Variants in PRLR observed in about 807,000 individuals in gnomAD.
PRLR encodes hPRL receptor.
A neutral mutation model predicts 40.2 loss-of-function variants in PRLR; 13 were observed. The observed-to-expected ratio is 0.32, with a 90% CI of 0.21 to 0.51. The LOEUF (loss-of-function observed/expected upper bound fraction) is 0.51, where lower values mean the gene tolerates loss of function less well. PRLR is among the 20% of genes least tolerant of loss of function. PRLR has a pLI of 0.97. For synonymous variants in PRLR, 269 were observed against 278.7 expected (o/e 0.97, Z 0.35); for missense variants, 656 against 747.3 (o/e 0.88, Z 1.42).
chr5:35,216,341 T>A (rs1776288153), intron 1 of PRLR, among the ~76,000 whole-genome samples: 1 of 151,780 alleles, frequency 6.6e-6, no homozygotes, highest in Non-Finnish European at 1.5e-5. Flanking sequence ...CTCAGGAAGG[T>A]TCAGTTTGGA....
intron 1 of PRLR, among the ~76,000 whole-genome samples, chr5:35,164,341 C>A (rs186201452): frequency 8.0e-4 from 122 of 152,156 alleles, no homozygotes; most frequent in African/African-American, 2.7e-3. Flanking sequence ...CAATAATACC[C>A]AACAAAGCCA....
intron 1 of PRLR, among the ~76,000 whole-genome samples, chr5:35,147,494 A>G (rs1047095479): frequency 5.3e-5 from 8 of 152,174 alleles, no homozygotes; most frequent in Admixed American, 4.6e-4. Context: ...TAATCAGACA[A>G]TTTATGTCTT....
intron 1 of PRLR, among the ~76,000 whole-genome samples, chr5:35,175,775 A>G (rs552133993): frequency 6.6e-6 from 1 of 152,300 alleles, no homozygotes; most frequent in East Asian, 1.9e-4. Flanking sequence ...CACTTCCTCC[A>G]TATAATCAAG....
rs554829581 is a variant in PRLR at position 35,210,087 on chromosome 5, T to C, written c.-106+20181A>G. Among the ~76,000 whole-genome samples, 9 of 152,312 alleles carry C rather than the reference T, an allele frequency of 5.9e-5. No homozygotes were observed. The East Asian group carries it at 1.7e-3, about 29-fold the overall frequency. ...CACTGGGTTTCTTCATTTCCCTACATTGGCATGCTCCCTCCCACCTCAGTG... is the reference window on the plus strand; with the variant it reads ...CACTGGGTTTCTTCATTTCCCTACACTGGCATGCTCCCTCCCACCTCAGTG... On this transcript the variant is annotated intron_variant, in intron 1 of 9. Coordinates refer to ENST00000618457, the MANE Select transcript of PRLR (RefSeq NM_000949.7).
chr5:35,140,989 T>C (rs947718788), intron 1 of PRLR, among the ~76,000 whole-genome samples: 1 of 152,182 alleles, frequency 6.6e-6, no homozygotes, highest in African/African-American at 2.4e-5. Context: ...CAATAAGATT[T>C]AAATAAATTC....
At chr5:35,175,500 C>CT (rs1459681673) in intron 1 of PRLR, among the ~76,000 whole-genome samples, 4 of 152,280 alleles carry the variant, frequency 2.6e-5, no homozygotes, top group Admixed American at 6.5e-5. Context: ...CAGATGTGTG[C>CT]TAGGTCCAGT....
At position 35,066,049 on chromosome 5, in the gene PRLR, G is replaced by A; in HGVS notation, c.909C>T (p.Pro303=). The A allele has an allele frequency of 1.2e-6, 2 of 1,614,112 alleles. No individual in the cohort carries two copies. Among genetic ancestry groups the A allele is most frequent in the Non-Finnish European group, 8.5e-7 (1 of 1,179,982 alleles). ...CCAGCAAGTCCTCATAGTCAGAAGT[G>A]GGAGGAAAGTCTTGGCATCCCAAGG... ...LSALGCQDFP[P]TSDYEDLLVE... Residue 303 remains proline (P), a synonymous_variant, in exon 10 of 10, where the codon CCC becomes CCT. Transcript: ENST00000618457.
chr5:35,105,443 G>A (rs1189317977), intron 2 of PRLR, among the ~76,000 whole-genome samples: 2 of 152,162 alleles, frequency 1.3e-5, no homozygotes, highest in African/African-American at 2.4e-5. Flanking sequence ...CTAAAGGAGG[G>A]TGTTCAAACC....
chr5:35,113,889 A>C (rs1178239133), intron 2 of PRLR, among the ~76,000 whole-genome samples: 1 of 152,168 alleles, frequency 6.6e-6, no homozygotes, highest in Admixed American at 6.5e-5. Flanking sequence ...TCTGGCAGAC[A>C]CTGCTGGTTG....
chr5:35,145,763 C>T (rs959892558), intron 1 of PRLR, among the ~76,000 whole-genome samples: 1 of 149,984 alleles, frequency 6.7e-6, no homozygotes, highest in African/African-American at 2.5e-5. Flanking sequence ...CAACTAAGAG[C>T]TTAATATTTC....
intron 1 of PRLR, among the ~76,000 whole-genome samples, chr5:35,168,505 T>C (rs1774907419): frequency 6.6e-6 from 1 of 151,992 alleles, no homozygotes; most frequent in Admixed American, 6.6e-5. Context: ...AGAACATGCA[T>C]TCTGACCACA....
intron 2 of PRLR, among the ~76,000 whole-genome samples, chr5:35,112,905 TA>T (rs1772748002): frequency 3.3e-5 from 5 of 152,166 alleles, no homozygotes; most frequent in Admixed American, 3.3e-4. Context: ...ACCAGAGTAT[TA>T]ATAGTCAGGG....
At chr5:35,080,023 A>C (rs1184217758) in intron 5 of PRLR, among the ~76,000 whole-genome samples, 1 of 152,246 alleles carries the variant, frequency 6.6e-6, no homozygotes, top group Non-Finnish European at 1.5e-5. Flanking sequence ...CTTACACCTT[A>C]TACAAAAATT....
chr5:35,108,970 T>C (rs1772461889), intron 2 of PRLR, among the ~76,000 whole-genome samples: 1 of 152,142 alleles, frequency 6.6e-6, no homozygotes, highest in South Asian at 2.1e-4. Context: ...CAAACTATAC[T>C]ACAAGGCTAC....
chr5:35,139,916 T>A (rs1338642568), intron 1 of PRLR, among the ~76,000 whole-genome samples: 1 of 122,394 alleles, frequency 8.2e-6, no homozygotes, highest in African/African-American at 3.2e-5. Flanking sequence ...AATATAGATG[T>A]TAAAATATCA....
intron 1 of PRLR, among the ~76,000 whole-genome samples, chr5:35,123,750 A>G (rs35194391): frequency 0.053 from 7,996 of 152,244 alleles, 515 homozygotes; most frequent in East Asian, 0.15. Context: ...TTTACTGTTA[A>G]AGTATTCAGT....
intron 1 of PRLR, among the ~76,000 whole-genome samples, chr5:35,158,104 A>T (rs190985891): frequency 7.2e-5 from 11 of 152,308 alleles, no homozygotes; most frequent in Admixed American, 5.2e-4. Context: ...AAGTCTTTGC[A>T]CTGTCTATAT....
chr5:35,153,633 G>A (rs1035545658), intron 1 of PRLR, among the ~76,000 whole-genome samples: 5 of 150,838 alleles, frequency 3.3e-5, no homozygotes, highest in Admixed American at 6.6e-5. Context: ...GAAATTCTTT[G>A]ATTTGCTCAG....
intron 5 of PRLR, among the ~76,000 whole-genome samples, chr5:35,079,315 T>C (rs1006005613): frequency 6.6e-6 from 1 of 152,170 alleles, no homozygotes; most frequent in African/African-American, 2.4e-5. Flanking sequence ...AACCCCATCA[T>C]CTCAGCCCAA....
Sources: allele counts gnomAD v4.1 joint callset (sites outside exome capture counted in the v4.1 genomes callset), GRCh38; gene constraint gnomAD v4.1.1; transcripts MANE v1.5; gene names NCBI Gene and HGNC (gene_info 2026-07-23, HGNC 2026-07-21).